Variants in UBAP2L observed in about 807,000 individuals in gnomAD.
UBAP2L encodes the protein ubiquitin associated protein 2 like.
UBAP2L carries 12 observed loss-of-function variants against 130.6 expected under a neutral mutation model. That is an observed-to-expected ratio of 0.09 (90% confidence interval 0.06 to 0.15). The LOEUF (loss-of-function observed/expected upper bound fraction) is 0.15, where lower values mean the gene tolerates loss of function less well. UBAP2L is among the 10% of genes least tolerant of loss of function. UBAP2L has a pLI of 1.00. For missense variants in UBAP2L, 965 were observed against 1,332.5 expected (o/e 0.72, Z 4.29); for synonymous variants, 503 against 524.7 (o/e 0.96, Z 0.57).
chr1:154,246,313 A>G lies in UBAP2L; in HGVS notation c.952A>G (p.Asn318Asp), dbSNP rs1490676769. ...PSLAQPLVFSNSKQTAISQPA... is the reference protein window; with the variant it reads ...PSLAQPLVFSDSKQTAISQPA... ...TCTGGCCCAGCCTCTGGTGTTCAGTAATTCGAAGCAGACTGCCATATCACA... is the reference window on the plus strand; with the variant it reads ...TCTGGCCCAGCCTCTGGTGTTCAGTGATTCGAAGCAGACTGCCATATCACA... Residue 318 changes from asparagine (N) to aspartate (D), a missense_variant, in exon 11 of 27, where the codon AAT becomes GAT. By Grantham distance (23) the Asn-to-Asp change is conservative. Coordinates refer to ENST00000428931, the MANE Select transcript of UBAP2L (RefSeq NM_014847.4). 2 of 1,613,608 alleles carry G rather than the reference A, an allele frequency of 1.2e-6. No individual in the cohort carries two copies. The highest frequency in any genetic ancestry group is 1.7e-6 in the Non-Finnish European group (2 of 1,179,902).
intron 18 of UBAP2L, 77 bp from the exon 19 acceptor site, chr1:154,256,986 G>A (rs1679885517): frequency 1.3e-6 from 2 of 1,499,152 alleles, no homozygotes; most frequent in African/African-American, 1.4e-5. Context: ...TTCAGCAGGA[G>A]GGATTGTCTT....
At position 154,234,668 on chromosome 1, in the gene UBAP2L, A is replaced by G. The variant is rs1197805494; in HGVS notation, c.357A>G (p.Glu119=). The G allele has an allele frequency of 6.2e-7, 1 of 1,614,120 alleles. No individual in the cohort carries two copies. Among genetic ancestry groups the G allele is most frequent in the Non-Finnish European group, 8.5e-7 (1 of 1,180,010 alleles). Residue 119 remains glutamate (E), a synonymous_variant, in exon 5 of 27, where the codon GAA becomes GAG. Coordinates refer to ENST00000428931, the MANE Select transcript of UBAP2L (RefSeq NM_014847.4). ...KDGGQTESNE[E]GKENRDRDRD... ...GTGGCCAGACGGAATCCAATGAGGA[A>G]GGCAAAGAAAATCGAGACCGGGACA...
chr1:154,254,816 G>A lies in UBAP2L; in HGVS notation c.1855-20G>A, dbSNP rs1571885758. ...GAGTTTGTCTGTTTCTTGCTCTTCTGTTTTTTTTTTTTTTACCAGAATGGC... is the reference window on the plus strand; with the variant it reads ...GAGTTTGTCTGTTTCTTGCTCTTCTATTTTTTTTTTTTTTACCAGAATGGC... On this transcript the variant is annotated intron_variant, in intron 15 of 26. Transcript: ENST00000428931. The A allele has an allele frequency of 2.0e-6, 3 of 1,491,458 alleles. No individual in the cohort carries two copies. The allele number at this position is 1,491,458 out of a possible 1,614,324, so 92.4% of individuals were successfully genotyped here. A position where few individuals can be genotyped will look rare whatever the true frequency, so the allele number is the denominator to read the frequency against.
intron 20 of UBAP2L, chr1:154,257,780 A>C: frequency 3.2e-6 from 1 of 308,262 alleles, no homozygotes; most frequent in African/African-American, 2.2e-5. Context: ...ACTGAGGCCA[A>C]CCCATCTATT....
chr1:154,255,445 G>A (rs995359757), intron 17 of UBAP2L, 119 bp downstream of exon 17: 1 of 1,354,182 alleles, frequency 7.4e-7, no homozygotes, highest in African/African-American at 1.5e-5. Flanking sequence ...TCGTAAGTGG[G>A]TGACCTAAGA....
chr1:154,232,935 T>C (rs1463048816), intron 4 of UBAP2L, among the ~76,000 whole-genome samples: 2 of 152,298 alleles, frequency 1.3e-5, no homozygotes, highest in African/African-American at 4.8e-5. Context: ...TGGCCTGAAA[T>C]GATCCTCCTG....
chr1:154,241,103 G>C (rs1203764442), intron 8 of UBAP2L, among the ~76,000 whole-genome samples: 3 of 151,134 alleles, frequency 2.0e-5, no homozygotes, highest in Non-Finnish European at 4.4e-5. Flanking sequence ...GTTTTTGTTT[G>C]TTTTGAGACA....
At chr1:154,261,815 G>A (rs903902246) in intron 24 of UBAP2L, 118 bp downstream of exon 24, 47 of 1,006,304 alleles carry the variant, frequency 4.7e-5, no homozygotes, top group Non-Finnish European at 6.9e-5. Flanking sequence ...GCTGCCCCAG[G>A]TATGATTGTT....
At chr1:154,238,484 T>C (rs1672401514) in intron 8 of UBAP2L, among the ~76,000 whole-genome samples, 1 of 152,180 alleles carries the variant, frequency 6.6e-6, no homozygotes, top group African/African-American at 2.4e-5. Flanking sequence ...TTGAAAAGTT[T>C]GTTTTTAGTT....
intron 4 of UBAP2L, among the ~76,000 whole-genome samples, chr1:154,232,071 G>A (rs1571646232): frequency 6.6e-6 from 1 of 152,130 alleles, no homozygotes; most frequent in South Asian, 2.1e-4. Flanking sequence ...GCTCACACCT[G>A]TAATCCCAGC....
chr1:154,240,721 C>A (rs896700192), intron 8 of UBAP2L, among the ~76,000 whole-genome samples: 4 of 152,012 alleles, frequency 2.6e-5, no homozygotes, highest in Non-Finnish European at 1.5e-5. Context: ...ACTGCTCTTT[C>A]ACTAACCATT....
chr1:154,236,039 G>A (rs777281804), intron 6 of UBAP2L, among the ~76,000 whole-genome samples: 45 of 152,190 alleles, frequency 3.0e-4, no homozygotes, highest in Non-Finnish European at 5.1e-4. Flanking sequence ...TTTATTGCTA[G>A]TATTGTATTT....
At chr1:154,264,299 C>T (rs1452471262) in intron 24 of UBAP2L, among the ~76,000 whole-genome samples, 1 of 152,112 alleles carries the variant, frequency 6.6e-6, no homozygotes. Context: ...CAGGGGCTGC[C>T]ATGGTGGGAG....
intron 5 of UBAP2L, 108 bp from the exon 6 acceptor site, chr1:154,235,088 A>G (rs1391983927): frequency 3.0e-6 from 2 of 677,440 alleles, no homozygotes; most frequent in Non-Finnish European, 2.7e-6. Context: ...CCAATACCAT[A>G]TTACATACCA....
intron 4 of UBAP2L, among the ~76,000 whole-genome samples, chr1:154,231,003 G>A (rs966843092): frequency 3.3e-5 from 5 of 152,198 alleles, no homozygotes; most frequent in African/African-American, 7.2e-5. Context: ...TGTTCCTGGT[G>A]TATATTTAGC....
intron 10 of UBAP2L, among the ~76,000 whole-genome samples, chr1:154,244,694 A>G (rs1200583347): frequency 1.3e-5 from 2 of 152,118 alleles, no homozygotes; most frequent in African/African-American, 4.8e-5. Flanking sequence ...ACTCAGCAAC[A>G]GCTAAACGGA....
rs139042082 is a variant in UBAP2L, at chr1:154,245,426, CTT to C, written c.843-775_843-774del. 5.8e-3 allele frequency among the ~76,000 whole-genome samples: 884 copies of C among 152,278 alleles called. 13 individuals carry two copies. The highest frequency in any genetic ancestry group is 0.024 in the Middle Eastern group (7 of 294). Reference sequence around the variant, plus strand: ...CAAGTATATATTATACCACAGGTAACTTTTGAAATTTTACGAAAATTGTGGGA... The same window carrying C: ...CAAGTATATATTATACCACAGGTAACTTGAAATTTTACGAAAATTGTGGGA... On this transcript the variant is annotated intron_variant, in intron 10 of 26. Transcript: ENST00000428931.
chr1:154,261,722 G>A lies in UBAP2L; in HGVS notation c.2902+25G>A, dbSNP rs201386021. ...GGTAAGCTGACCTTGTCTCTGGCTC[G>A]GTGTTATCTGTGGGGTGTTATTGGA... is the stretch of plus-strand genomic sequence containing the variant. On this transcript the variant is annotated intron_variant, in intron 24 of 26. Transcript: ENST00000428931. The A allele has an allele frequency of 2.9e-5, 47 of 1,608,144 alleles. No homozygotes were observed. In the African/African-American group the frequency reaches 4.5e-4, roughly 16 times the overall value.
At chr1:154,251,725 A>G in intron 14 of UBAP2L, 72 bp downstream of exon 14, 1 of 1,561,898 alleles carries the variant, frequency 6.4e-7, no homozygotes. Context: ...GGAGATTTCT[A>G]GAACTCTGGA....
Sources: allele counts gnomAD v4.1 joint callset (sites outside exome capture counted in the v4.1 genomes callset), GRCh38; gene constraint gnomAD v4.1.1; transcripts MANE v1.5; gene names NCBI Gene and HGNC (gene_info 2026-07-23, HGNC 2026-07-21).